The following COBL variants were observed in gnomAD, a reference collection of about 807,000 sequenced individuals.
COBL encodes the protein protein cordon-bleu.
In COBL, 51 loss-of-function variants were observed where a neutral mutation model predicts 98.8. That is an observed-to-expected ratio of 0.52 (90% confidence interval 0.41 to 0.65). The LOEUF (loss-of-function observed/expected upper bound fraction) is 0.65. COBL is among the 30% of genes least tolerant of loss of function. The probability of loss-of-function intolerance (pLI) is 0.00; values close to 1 mark genes in which losing one functional copy is unlikely to be tolerated. For synonymous variants in COBL, 634 were observed against 651.7 expected, an observed-to-expected ratio of 0.97 and a Z score of 0.41; for missense variants, 1,617 against 1,617.5, an observed-to-expected ratio of 1.00 and a Z score of 0.01.
At chr7:51,215,005 AT>A (rs993001365) in intron 2 of COBL, among the ~76,000 whole-genome samples, 106 of 150,400 alleles carry the variant, frequency 7.0e-4, no homozygotes, top group African/African-American at 1.7e-3. Context: ...TGCAAGTGTT[AT>A]TTTTTTTTTC....
At chr7:51,093,290 G>A (rs1288068469) in intron 6 of COBL, among the ~76,000 whole-genome samples, 1 of 152,028 alleles carries the variant, frequency 6.6e-6, no homozygotes, top group Admixed American at 6.6e-5. Context: ...GTTCAATATC[G>A]CTAACCATAT....
At chr7:51,088,801 G>GC (rs1474675889) in intron 6 of COBL, among the ~76,000 whole-genome samples, 3 of 152,182 alleles carry the variant, frequency 2.0e-5, no homozygotes, top group African/African-American at 7.2e-5. Context: ...TGCTAGCTCG[G>GC]CCATCTTCTG....
chr7:51,273,446 T>C (rs934447647), intron 1 of COBL, among the ~76,000 whole-genome samples: 5 of 152,194 alleles, frequency 3.3e-5, no homozygotes, highest in African/African-American at 1.2e-4. Context: ...TGGTGAACAG[T>C]AGCTACCACT....
At position 51,283,627 on chromosome 7, in the gene COBL, T is replaced by A. The variant is rs187342804; in HGVS notation, c.41+32966A>T. ...AGCCTCCTGAGTAGCTGGGATTACA[T>A]GTGCGCACCACCACGCCCAGCTAAT... On this transcript the variant is annotated intron_variant, in intron 1 of 12. Transcript: ENST00000265136. 4.6e-5 allele frequency among the ~76,000 whole-genome samples: 7 copies of A among 152,022 alleles called. No individual in the cohort carries two copies. In the East Asian group the frequency reaches 1.4e-3, roughly 30 times the overall value.
chr7:51,075,719 T>C (rs1793007656), intron 7 of COBL, among the ~76,000 whole-genome samples: 1 of 152,174 alleles, frequency 6.6e-6, no homozygotes, highest in African/African-American at 2.4e-5. Context: ...ACATTGTACC[T>C]TGTAAATAAA....
chr7:51,250,226 C>A (rs2129135989), intron 1 of COBL, among the ~76,000 whole-genome samples: 1 of 152,264 alleles, frequency 6.6e-6, no homozygotes, highest in Middle Eastern at 3.4e-3. Context: ...CCGCACCAAA[C>A]AGCCTTGCAG....
At chr7:51,297,224 T>C (rs1031113987) in intron 1 of COBL, among the ~76,000 whole-genome samples, 1 of 152,020 alleles carries the variant, frequency 6.6e-6, no homozygotes, top group Admixed American at 6.5e-5. Flanking sequence ...AATCATAACA[T>C]GTATAGTCCA....
chr7:51,156,692 C>T (rs1018151423), intron 5 of COBL: 16 of 218,676 alleles, frequency 7.3e-5, no homozygotes, highest in African/African-American at 4.7e-4. Flanking sequence ...AATAAAAAAC[C>T]ACCCTTCACA....
chr7:51,265,501 G>A (rs1798115921), intron 1 of COBL, among the ~76,000 whole-genome samples: 1 of 152,208 alleles, frequency 6.6e-6, no homozygotes. Context: ...CAGGGTGTTT[G>A]CAGCCCTAGG....
chr7:51,261,242 G>C (rs941051837), intron 1 of COBL, among the ~76,000 whole-genome samples: 1 of 152,194 alleles, frequency 6.6e-6, no homozygotes, highest in Admixed American at 6.5e-5. Flanking sequence ...GCTGGGCGTG[G>C]TGGCACACGC....
chr7:51,208,042 C>T (rs1186125716), intron 2 of COBL, among the ~76,000 whole-genome samples: 2 of 151,438 alleles, frequency 1.3e-5, no homozygotes, highest in African/African-American at 2.4e-5. Context: ...TCTGCCTGGC[C>T]GCCCATTGTC....
intron 1 of COBL, among the ~76,000 whole-genome samples, chr7:51,268,932 TAAAAA>T (rs34068228): frequency 3.4e-4 from 35 of 103,552 alleles, no homozygotes; most frequent in African/African-American, 1.3e-3. Flanking sequence ...CCCGTCTCAA[TAAAAA>T]AAAAAAAAAA....
At chr7:51,128,970 T>C (rs1255841149) in intron 6 of COBL, among the ~76,000 whole-genome samples, 1 of 152,238 alleles carries the variant, frequency 6.6e-6, no homozygotes, top group Non-Finnish European at 1.5e-5. Context: ...CACTCGCACT[T>C]TTCATGGCCC....
In COBL at chr7:51,029,431, C is replaced by T; in HGVS notation, c.1665G>A (p.Gly555=). ...CATTGTTGTTTCTATTGGAAAACAA[C>T]CCCGAATCCACAGGATCATCTGAAA... The part of the protein sequence containing the change: ...GEVSDDPVDS[G]LFSNRNNNAG... Residue 555 remains glycine (G), a synonymous_variant, in exon 10 of 13, where the codon GGG becomes GGA. Transcript: ENST00000265136. 1 of 1,614,130 alleles carries T rather than the reference C, an allele frequency of 6.2e-7. No individual in the cohort carries two copies. Among genetic ancestry groups the T allele is most frequent in the Non-Finnish European group, 8.5e-7 (1 of 1,180,032 alleles).
intron 5 of COBL, among the ~76,000 whole-genome samples, chr7:51,175,803 C>T (rs1439057533): frequency 6.6e-6 from 1 of 152,190 alleles, no homozygotes; most frequent in Non-Finnish European, 1.5e-5. Context: ...AAAGGTTTTC[C>T]TGCCTGCCAT....
At chr7:51,200,088 C>T (rs77277340) in intron 2 of COBL, among the ~76,000 whole-genome samples, 4,774 of 152,186 alleles carry the variant, frequency 0.031, 216 homozygotes, top group South Asian at 0.15. Context: ...CAGCAGAAAC[C>T]TTGCAGGCCA....
intron 8 of COBL, chr7:51,032,734 G>A (rs1251844334): frequency 6.6e-6 from 1 of 152,156 alleles, no homozygotes; most frequent in Non-Finnish European, 1.5e-5. Flanking sequence ...TATTGCTTTT[G>A]CCATGGACTT....
At chr7:51,302,875 C>T (rs1802109743) in intron 1 of COBL, among the ~76,000 whole-genome samples, 1 of 152,168 alleles carries the variant, frequency 6.6e-6, no homozygotes, top group African/African-American at 2.4e-5. Context: ...GCACTGTTAT[C>T]AGAGAGTGTT....
chr7:51,084,584 TATG>T (rs1218526428), intron 7 of COBL, among the ~76,000 whole-genome samples: 2 of 152,186 alleles, frequency 1.3e-5, no homozygotes, highest in Non-Finnish European at 2.9e-5. Context: ...AGGGGTGGGC[TATG>T]ATGATCTAAT....
Sources: allele counts gnomAD v4.1 joint callset (sites outside exome capture counted in the v4.1 genomes callset), GRCh38; gene constraint gnomAD v4.1.1; transcripts MANE v1.5; gene names NCBI Gene and HGNC (gene_info 2026-07-23, HGNC 2026-07-21).